The following TATDN2 variants were observed in gnomAD, a reference collection of about 807,000 sequenced individuals.
The protein encoded by TATDN2 is 3'-5' RNA nuclease TATDN2.
Under a neutral mutation model 60.3 loss-of-function variants are expected in TATDN2, and 44 were observed. The ratio of observed to expected loss-of-function variants is 0.73; its 90% CI spans 0.57 to 0.94. The LOEUF is 0.94. TATDN2 is among the 40% of genes least tolerant of loss of function. The probability of loss-of-function intolerance (pLI) is 0.00; values close to 1 mark genes in which losing one functional copy is unlikely to be tolerated. For missense variants in TATDN2, 997 were observed against 948.0 expected, an observed-to-expected ratio of 1.05 and a Z score of -0.68; for synonymous variants, 399 against 355.8, an observed-to-expected ratio of 1.12 and a Z score of -1.37.
Position 10,280,315 on chromosome 3 carries a change from G to C in TATDN2, c.*1133G>C, listed in dbSNP as rs957439592. ...CTGTCTTTCTGCGTTTTAGAAGTGA[G>C]AGCCTCTCCTTCACCTTTTGAGCAA... On this transcript the variant is annotated 3_prime_UTR_variant, in exon 8 of 8. Coordinates refer to ENST00000448281, the MANE Select transcript of TATDN2 (RefSeq NM_014760.4). 6.5e-6 allele frequency: 1 copy of C among 153,914 alleles called. No homozygotes were observed. The allele number at this position is 153,914 out of a possible 1,614,324, so 9.5% of individuals were successfully genotyped here.
At position 10,250,215 on chromosome 3, in the gene TATDN2, C is replaced by G. The variant is rs561120399; in HGVS notation, c.414+601C>G. ...TTTTGGAGGTTAAATTGTTAATTCC[C>G]TAATGGAAACATGCAAGAGGGTTTC... On this transcript the variant is annotated intron_variant, in intron 2 of 7. Transcript: ENST00000448281. Among the ~76,000 whole-genome samples the G allele has an allele frequency of 3.4e-5, 5 of 147,414 alleles. No homozygotes were observed. In the East Asian group the frequency reaches 6.1e-4, roughly 18 times the overall value.
At chr3:10,256,670 C>T (rs923862265) in intron 2 of TATDN2, among the ~76,000 whole-genome samples, 3 of 152,074 alleles carry the variant, frequency 2.0e-5, no homozygotes, top group African/African-American at 7.2e-5. Flanking sequence ...AGGTGAGGAG[C>T]AGCTGCCCGT....
At chr3:10,255,203 G>GT (rs59658025) in intron 2 of TATDN2, among the ~76,000 whole-genome samples, 14,247 of 151,490 alleles carry the variant, frequency 0.094, 850 homozygotes, top group East Asian at 0.28. Flanking sequence ...GTAGAGAGGG[G>GT]TTTTTTTGCC....
At position 10,279,205 on chromosome 3, in the gene TATDN2, C is replaced by T; in HGVS notation, c.*39-16C>T. 1 of 826,582 alleles carries T rather than the reference C, an allele frequency of 1.2e-6. No homozygotes were observed. Among genetic ancestry groups the T allele is most frequent in the Non-Finnish European group, 1.8e-6 (1 of 549,618 alleles). 51.2% of individuals were successfully genotyped at this position (826,582 alleles called of 1,614,324 possible). On this transcript the variant is annotated splice_polypyrimidine_tract_variant and intron_variant, in intron 7 of 7. Transcript: ENST00000448281. ...CATGGTTTGGAACCTTCTTCTTTTT[C>T]TCTTCCACCCTCCAGGGCGACCAGC...
chr3:10,270,273 C>A lies in TATDN2; in HGVS notation c.1091C>A (p.Thr364Asn). 4 of 1,614,206 alleles carry A rather than the reference C, an allele frequency of 2.5e-6. No individual in the cohort carries two copies. In the Middle Eastern group the frequency reaches 4.9e-4, roughly 200 times the overall value. The stretch of plus-strand genomic sequence containing the variant: ...GCCGTTCCGGAGCCTTCTTCCTTCA[C>A]CACCGACTATGTCATGTACCCTCCT... ...PSAVPEPSSFTTDYVMYPPHL... is the reference protein window; with the variant it reads ...PSAVPEPSSFNTDYVMYPPHL... The change falls in exon 4 of 8, where the codon ACC (threonine) becomes AAC (asparagine). Residue 364 changes from threonine to asparagine, a missense_variant. By Grantham distance (65) the Thr-to-Asn change is moderately conservative. Coordinates refer to ENST00000448281, the MANE Select transcript of TATDN2 (RefSeq NM_014760.4).
Position 10,270,159 on chromosome 3 carries a change from A to C in TATDN2, c.977A>C (p.His326Pro). The C allele has an allele frequency of 6.2e-7, 1 of 1,613,544 alleles. No homozygotes were observed. The highest frequency in any genetic ancestry group is 8.5e-7 in the Non-Finnish European group (1 of 1,179,764). Residue 326 changes from histidine to proline, a missense_variant, in exon 4 of 8, where the codon CAC becomes CCC. His to Pro is a moderately conservative substitution (Grantham distance 77). Coordinates refer to ENST00000448281, the MANE Select transcript of TATDN2 (RefSeq NM_014760.4). Reference protein sequence around the residue: ...KHKDREVVMEHPSSGSDWSDV... With the variant: ...KHKDREVVMEPPSSGSDWSDV... The stretch of plus-strand genomic sequence containing the variant: ...AAAGATAGGGAGGTGGTGATGGAGC[A>C]CCCCTCTTCTGGAAGTGACTGGTCT...
At chr3:10,275,775 A>C (rs60188181) in intron 4 of TATDN2, among the ~76,000 whole-genome samples, 13,642 of 118,412 alleles carry the variant, frequency 0.12, 813 homozygotes, top group East Asian at 0.27. Flanking sequence ...AAACAAAAAA[A>C]AACAAAGCAA....
chr3:10,263,252 C>T (rs1403749261), intron 3 of TATDN2, among the ~76,000 whole-genome samples: 2 of 151,318 alleles, frequency 1.3e-5, no homozygotes, highest in African/African-American at 4.9e-5. Flanking sequence ...ATTTTGATCT[C>T]AGGGCTCTGA....
Position 10,278,574 on chromosome 3 carries a change from C to G in TATDN2, c.2145+112C>G. 1 of 1,441,946 alleles carries G rather than the reference C, an allele frequency of 6.9e-7. No homozygotes were observed. Among genetic ancestry groups the G allele is most frequent in the Non-Finnish European group, 9.7e-7 (1 of 1,032,118 alleles). The allele number at this position is 1,441,946 out of a possible 1,614,324, so 89.3% of individuals were successfully genotyped here. A position where few individuals can be genotyped will look rare whatever the true frequency, so the allele number is the denominator to read the frequency against. ...AGCCCCAGTGACTTCCAGGTCCCAT[C>G]CTGGGCTGTGTAGATGCCTCCTTGC... On this transcript the variant is annotated intron_variant, in intron 6 of 7. Transcript: ENST00000448281. This position sits in a 1 kb window ranked among gnomAD's most constrained non-coding sequence, Gnocchi z 4.7.
rs775972773 is a variant in TATDN2 at position 10,260,606 on chromosome 3, T to C, written c.884T>C (p.Ile295Thr). ...CCCCTTGGGGACCGAAGGACTGTCA[T>C]TGACAAATGCTCTCCACCCCTAGAG... ...EEPLGDRRTV[I>T]DKCSPPLEFL... The change falls in exon 3 of 8, where the codon ATT becomes ACT. Residue 295 changes from isoleucine (I) to threonine (T), a missense_variant. Transcript: ENST00000448281. 1.8e-5 allele frequency: 29 copies of C among 1,614,102 alleles called. No individual in the cohort carries two copies. Among genetic ancestry groups the C allele is most frequent in the South Asian group, 1.1e-4 (10 of 91,092 alleles).
chr3:10,261,365 C>CTTTTTTT (rs58599009), intron 3 of TATDN2, among the ~76,000 whole-genome samples: 8 of 134,032 alleles, frequency 6.0e-5, no homozygotes, highest in Non-Finnish European at 3.2e-5. Context: ...CCATCTTTTT[C>CTTTTTTT]TTTTTTTTTT....
At chr3:10,256,039 T>G (rs1407553050) in intron 2 of TATDN2, among the ~76,000 whole-genome samples, 1 of 152,220 alleles carries the variant, frequency 6.6e-6, no homozygotes, top group African/African-American at 2.4e-5. Flanking sequence ...CTTATTTTGT[T>G]TTTCTCCTTG....
intron 3 of TATDN2, among the ~76,000 whole-genome samples, chr3:10,265,412 G>A (rs1698463449): frequency 8.0e-5 from 12 of 150,068 alleles, no homozygotes; most frequent in Admixed American, 7.9e-4. Context: ...GCTGGGCGTG[G>A]GGCTCATGCC....
intron 2 of TATDN2, among the ~76,000 whole-genome samples, chr3:10,252,118 A>T (rs560700813): frequency 3.5e-5 from 5 of 142,272 alleles, no homozygotes; most frequent in African/African-American, 1.3e-4. Context: ...ACTGCACTCC[A>T]GCCTGGGCAA....
At chr3:10,265,559 G>GTA (rs1698465070) in intron 3 of TATDN2, among the ~76,000 whole-genome samples, 1 of 150,942 alleles carries the variant, frequency 6.6e-6, no homozygotes, top group Admixed American at 6.6e-5. Context: ...GCGTGCACCT[G>GTA]TAGTCCCAGG....
Position 10,260,121 on chromosome 3 carries a change from G to GT in TATDN2, c.415-6dup, listed in dbSNP as rs199783527. On this transcript the variant is annotated splice_polypyrimidine_tract_variant and intron_variant, in intron 2 of 7. Transcript: ENST00000448281. Reference sequence around the variant, plus strand: ...CCCTTGGAACAGCCCTTTCAATTCTGTTTTTTTTTTCCCAGGTTGATTCCA... The same window carrying GT: ...CCCTTGGAACAGCCCTTTCAATTCTGTTTTTTTTTTTCCCAGGTTGATTCCA... 0.012 allele frequency: 13,314 copies of GT among 1,155,052 alleles called. No homozygotes were observed. The highest frequency in any genetic ancestry group is 0.022 in the South Asian group (1,308 of 59,434). The allele number at this position is 1,155,052 out of a possible 1,614,324, so 71.6% of individuals were successfully genotyped here. A position where few individuals can be genotyped will look rare whatever the true frequency, so the allele number is the denominator to read the frequency against.
In TATDN2 at chr3:10,249,344, G is replaced by A. The variant is rs1698183587; in HGVS notation, c.144G>A (p.Gly48=). Residue 48 remains glycine (G), a synonymous_variant, in exon 2 of 8, where the codon GGG becomes GGA. Coordinates refer to ENST00000448281, the MANE Select transcript of TATDN2 (RefSeq NM_014760.4). ...AGAGGTCTGCGTCGCGTTCTGGAGG[G>A]CCCAGCAGCCCCAAGCGCCTGAAAG... ...PAQRSASRSG[G]PSSPKRLKAQ... is the part of the protein sequence containing the mutation. 6.2e-7 allele frequency: 1 copy of A among 1,612,328 alleles called. No individual in the cohort carries two copies. The highest frequency in any genetic ancestry group is 2.2e-5 in the East Asian group (1 of 44,832).
chr3:10,250,257 G>GT (rs1698201487), intron 2 of TATDN2, among the ~76,000 whole-genome samples: 1 of 132,284 alleles, frequency 7.6e-6, no homozygotes, highest in African/African-American at 3.3e-5. Context: ...ACTTTGAGCA[G>GT]ACCAAGGAGT....
At chr3:10,267,079 T>G (rs905720633) in intron 3 of TATDN2, among the ~76,000 whole-genome samples, 2 of 151,890 alleles carry the variant, frequency 1.3e-5, no homozygotes, top group Non-Finnish European at 2.9e-5. Flanking sequence ...ACAACCGCAT[T>G]TGGCTAGTTT....
Sources: allele counts gnomAD v4.1 joint callset (sites outside exome capture counted in the v4.1 genomes callset), GRCh38; gene constraint gnomAD v4.1.1; non-coding constraint Gnocchi (gnomAD v3.1); transcripts MANE v1.5; gene names NCBI Gene and HGNC (gene_info 2026-07-23, HGNC 2026-07-21).